Variants in CST1 observed in about 807,000 individuals in gnomAD.
CST1 encodes cystatin-SN.
In CST1, 19 loss-of-function variants were observed where a neutral mutation model predicts 10.7. The observed-to-expected ratio is 1.78, with a 90% CI of 1.24 to 2.61. CST1 has a LOEUF of 2.61. Among genes scored for constraint, CST1 ranks in the 30% most tolerant of loss-of-function variants. The probability of loss-of-function intolerance (pLI) is 0.00; values close to 1 mark genes in which losing one functional copy is unlikely to be tolerated. For missense variants in CST1, 247 were observed against 178.1 expected, an observed-to-expected ratio of 1.39 and a Z score of -2.20; for synonymous variants, 95 against 72.8, an observed-to-expected ratio of 1.31 and a Z score of -1.55.
At chr20:23,750,477 G>A (rs566103739) in intron 1 of CST1, among the ~76,000 whole-genome samples, 162 bp downstream of exon 1, 31 of 152,340 alleles carry the variant, frequency 2.0e-4, no homozygotes, top group African/African-American at 5.3e-4. Flanking sequence ...GCCGGGGAGC[G>A]TGCTTAGGCA....
At chr20:23,749,624 A>G (rs1362155335) in intron 1 of CST1, among the ~76,000 whole-genome samples, 1 of 152,042 alleles carries the variant, frequency 6.6e-6, no homozygotes, top group African/African-American at 2.4e-5. Context: ...ATTAGAATTG[A>G]ACCCTTTCCC....
Position 23,750,860 on chromosome 20 carries a change from G to T in CST1, c.7C>A (p.Gln3Lys), listed in dbSNP as rs1362388192. The change falls in exon 1 of 3, where the codon CAG becomes AAG. Residue 3 changes from glutamine to lysine, a missense_variant. Transcript: ENST00000304749. The stretch of plus-strand genomic sequence containing the variant: ...AGGAGCAGCAGGGTACTCAGATACT[G>T]GGCCATGGTCTCCTCAGAGGCAGAG... The part of the protein sequence containing the change: MA[Q>K]YLSTLLLLLA... 14 of 1,607,994 alleles carry T rather than the reference G, an allele frequency of 8.7e-6. No homozygotes were observed. The highest frequency in any genetic ancestry group is 5.1e-5 in the Admixed American group (3 of 59,042).
intron 1 of CST1, 28 bp from the exon 2 acceptor site, chr20:23,749,157 C>G (rs376106415): frequency 6.8e-6 from 11 of 1,609,722 alleles, no homozygotes; most frequent in Non-Finnish European, 8.5e-6. Context: ...CAGGACAGCG[C>G]CCCCATCAGT....
chr20:23,749,923 G>A (rs1255590549), intron 1 of CST1, among the ~76,000 whole-genome samples: 14 of 150,352 alleles, frequency 9.3e-5, no homozygotes, highest in African/African-American at 3.4e-4. Flanking sequence ...GGGGCTGGTG[G>A]GGATTCCTTT....
Position 23,749,088 on chromosome 20 carries a change from G to T in CST1, c.270C>A (p.Gly90=), listed in dbSNP as rs758870694. The T allele has an allele frequency of 5.0e-6, 8 of 1,613,984 alleles. No individual in the cohort carries two copies. The East Asian group carries it at 1.6e-4, about 31-fold the overall frequency. ...GVNYFFDVEV[G]RTICTKSQPN... ...GCTGGGACTTGGTACATATGGTGCG[G>T]CCCACCTCTACGTCGAAGAAGTAAT... Residue 90 remains glycine (G), a synonymous_variant, in exon 2 of 3, where the codon GGC becomes GGA. Coordinates refer to ENST00000304749, the MANE Select transcript of CST1 (RefSeq NM_001898.3).
rs781468557 is a variant in CST1 at position 23,749,125 on chromosome 20, A to C, written c.233T>G (p.Val78Gly). The C allele has an allele frequency of 3.7e-6, 6 of 1,613,584 alleles. No individual in the cohort carries two copies. The African/African-American group carries it at 8.0e-5, about 22-fold the overall frequency. Residue 78 changes from valine to glycine, a missense_variant, in exon 2 of 3, where the codon GTT (valine) becomes GGT (glycine). Physicochemically the swap from Val to Gly is moderately radical, Grantham distance 109. Coordinates refer to ENST00000304749, the MANE Select transcript of CST1 (RefSeq NM_001898.3). ...GTCGAAGAAGTAATTCACCCCCCCAACGGTCTGCACACAGGAGAAAACAGG... is the reference window on the plus strand; with the variant it reads ...GTCGAAGAAGTAATTCACCCCCCCACCGGTCTGCACACAGGAGAAAACAGG... ...LRVLRARQQT[V>G]GGVNYFFDVE... is the part of the protein sequence containing the mutation.
intron 1 of CST1, among the ~76,000 whole-genome samples, chr20:23,749,949 G>A (rs1257782009): frequency 1.3e-5 from 2 of 151,048 alleles, no homozygotes; most frequent in South Asian, 2.1e-4. Context: ...TCCAGGAGAA[G>A]GTGGAGGAGC....
Position 23,747,785 on chromosome 20 carries a change from G to A in CST1, c.*31C>T, listed in dbSNP as rs1432687428. ...GCACTACAGGGGGTGGGAGTGGGTG[G>A]TGGCTGGTGCGAATGGCCTGGCACA... is the stretch of plus-strand genomic sequence containing the variant. On this transcript the variant is annotated 3_prime_UTR_variant, in exon 3 of 3. Transcript: ENST00000304749. 1.4e-5 allele frequency: 22 copies of A among 1,605,980 alleles called. No individual in the cohort carries two copies. Among genetic ancestry groups the A allele is most frequent in the Non-Finnish European group, 1.9e-5 (22 of 1,173,172 alleles).
intron 2 of CST1, among the ~76,000 whole-genome samples, chr20:23,748,345 C>A (rs1435637376): frequency 6.6e-6 from 1 of 152,098 alleles, no homozygotes; most frequent in Non-Finnish European, 1.5e-5. Flanking sequence ...GGGAGTGTGG[C>A]TCTCCCCTGA....
rs748978249 is a variant in CST1 at position 23,749,127 on chromosome 20, G to T, written c.231C>A (p.Thr77=). ...CGAAGAAGTAATTCACCCCCCCAACGGTCTGCACACAGGAGAAAACAGGAC... is the reference window on the plus strand; with the variant it reads ...CGAAGAAGTAATTCACCCCCCCAACTGTCTGCACACAGGAGAAAACAGGAC... ...PLRVLRARQQ[T]VGGVNYFFDV... is the part of the protein sequence containing the mutation. The change falls in exon 2 of 3, where the codon ACC becomes ACA. Residue 77 remains threonine (T), a splice_region_variant and synonymous_variant. Transcript: ENST00000304749. 6.2e-7 allele frequency: 1 copy of T among 1,613,988 alleles called. No homozygotes were observed. The highest frequency in any genetic ancestry group is 2.2e-5 in the East Asian group (1 of 44,874).
At chr20:23,749,224 C>T (rs1265583829) in intron 1 of CST1, 95 bp from the exon 2 acceptor site, 13 of 926,514 alleles carry the variant, frequency 1.4e-5, no homozygotes, top group South Asian at 2.9e-5. Context: ...TTGGGGGCTT[C>T]GTGAGCTGCC....
rs752907397 is a variant in CST1 at position 23,750,715 on chromosome 20, G to A, written c.152C>T (p.Ala51Val). 3 of 1,614,148 alleles carry A rather than the reference G, an allele frequency of 1.9e-6. No homozygotes were observed. The highest frequency in any genetic ancestry group is 1.1e-5 in the South Asian group (1 of 91,082). The part of the protein sequence containing the change: ...DEWVQRALHF[A>V]ISEYNKATKD... ...GGTGGCCTTGTTATACTCGCTGATG[G>A]CGAAGTGAAGGGCACGCTGTACCCA... Residue 51 changes from alanine (A) to valine (V), a missense_variant, in exon 1 of 3, where the codon GCC (alanine) becomes GTC (valine). Ala to Val is a moderately conservative substitution (Grantham distance 64, BLOSUM62 0). Transcript: ENST00000304749.
rs3188297 is a variant in CST1 at position 23,750,689 on chromosome 20, T to C, written c.178A>G (p.Lys60Glu). 68 of 1,614,130 alleles carry C rather than the reference T, an allele frequency of 4.2e-5. No individual in the cohort carries two copies. The highest frequency in any genetic ancestry group is 3.3e-4 in the South Asian group (30 of 91,082). The change falls in exon 1 of 3, where the codon AAA becomes GAA. Residue 60 changes from lysine (K) to glutamate (E), a missense_variant. Physicochemically the swap from Lys to Glu is moderately conservative, Grantham distance 56. Coordinates refer to ENST00000304749, the MANE Select transcript of CST1 (RefSeq NM_001898.3). ...AGCGGACGTCTGTAGTAGTCATCTT[T>C]GGTGGCCTTGTTATACTCGCTGATG... Reference protein sequence around the residue: ...FAISEYNKATKDDYYRRPLRV... With the variant: ...FAISEYNKATEDDYYRRPLRV...
At position 23,747,638 on chromosome 20, in the gene CST1, G is replaced by A; in HGVS notation, c.*178C>T. 1.6e-6 allele frequency: 1 copy of A among 616,208 alleles called. No individual in the cohort carries two copies. Among genetic ancestry groups the A allele is most frequent in the Non-Finnish European group, 2.9e-6 (1 of 344,888 alleles). The allele number at this position is 616,208 out of a possible 1,614,324, so 38.2% of individuals were successfully genotyped here. On this transcript the variant is annotated 3_prime_UTR_variant, in exon 3 of 3. Transcript: ENST00000304749. ...AGGGCTATTAGAAGCAAGAAGGAAGGAGGGAGGGCAGAGCGCCCTGCTGAG... is the reference window on the plus strand; with the variant it reads ...AGGGCTATTAGAAGCAAGAAGGAAGAAGGGAGGGCAGAGCGCCCTGCTGAG...
rs752593595 is a variant in CST1, at chr20:23,748,994, G to C, written c.342+22C>G. ...CCCCTCTGCAGTGCATGACTGGCCC[G>C]GGACCTGCATCAGGAACGTACCTTC... On this transcript the variant is annotated intron_variant, in intron 2 of 2. Coordinates refer to ENST00000304749, the MANE Select transcript of CST1 (RefSeq NM_001898.3). 4.3e-6 allele frequency: 7 copies of C among 1,613,874 alleles called. No individual in the cohort carries two copies. The African/African-American group carries it at 5.3e-5, about 12-fold the overall frequency.
At chr20:23,750,231 C>T (rs1241311392) in intron 1 of CST1, among the ~76,000 whole-genome samples, 2 of 152,142 alleles carry the variant, frequency 1.3e-5, no homozygotes, top group East Asian at 1.9e-4. Context: ...TGCCCAGGGG[C>T]GTGACTTGGG....
At position 23,750,877 on chromosome 20, in the gene CST1, G is replaced by T. The variant is rs762459197; in HGVS notation, c.-11C>A. Reference sequence around the variant, plus strand: ...CAGATACTGGGCCATGGTCTCCTCAGAGGCAGAGCACAAAGCTGGAGCTGC... The same window carrying T: ...CAGATACTGGGCCATGGTCTCCTCATAGGCAGAGCACAAAGCTGGAGCTGC... On this transcript the variant is annotated 5_prime_UTR_variant, in exon 1 of 3. In the 5' UTR this introduces an upstream ATG that the reference lacks. Transcript: ENST00000304749. 1.0e-5 allele frequency: 16 copies of T among 1,597,046 alleles called. No individual in the cohort carries two copies. Among genetic ancestry groups the T allele is most frequent in the African/African-American group, 1.3e-5 (1 of 74,484 alleles).
intron 1 of CST1, among the ~76,000 whole-genome samples, chr20:23,749,849 G>C (rs1333445384): frequency 6.7e-6 from 1 of 149,786 alleles, no homozygotes; most frequent in South Asian, 2.2e-4. Flanking sequence ...GGGGACCACG[G>C]CACCAGGGAG....
Position 23,747,888 on chromosome 20 carries a change from G to C in CST1, c.354C>G (p.Cys118Trp). Residue 118 changes from cysteine to tryptophan, a missense_variant, in exon 3 of 3, where the codon TGC becomes TGG. By Grantham distance (215) the Cys-to-Trp change is radical. Transcript: ENST00000304749. The stretch of plus-strand genomic sequence containing the variant: ...AGGGAACTTCGTAGATCTCGAAAGA[G>C]CACAACTGTTTCTGTGAAAGGGAAG... ...EQPELQKKQLCSFEIYEVPWE... is the reference protein window; with the variant it reads ...EQPELQKKQLWSFEIYEVPWE... 2 of 1,613,764 alleles carry C rather than the reference G, an allele frequency of 1.2e-6. No homozygotes were observed. Among genetic ancestry groups the C allele is most frequent in the Non-Finnish European group, 1.7e-6 (2 of 1,179,728 alleles).
Sources: gnomAD v4.1 joint callset for allele counts (sites outside exome capture counted in the v4.1 genomes callset) on GRCh38, gnomAD v4.1.1 for gene constraint, MANE v1.5 for transcripts, NCBI Gene and HGNC (gene_info 2026-07-23, HGNC 2026-07-21) for gene names.